The following SLC25A40 variants were observed in gnomAD, a reference collection of about 807,000 sequenced individuals.
The protein encoded by SLC25A40 is solute carrier family 25 member 40.
In SLC25A40, 41 loss-of-function variants were observed where a neutral mutation model predicts 46.5. The observed-to-expected ratio is 0.88, with a 90% confidence interval of 0.69 to 1.14. SLC25A40 has a LOEUF of 1.14. SLC25A40 is among the 50% of genes most tolerant of loss of function. The probability of loss-of-function intolerance (pLI) is 0.00; values close to 1 mark genes in which losing one functional copy is unlikely to be tolerated. For missense variants in SLC25A40, 386 were observed against 393.6 expected (o/e 0.98, Z 0.16); for synonymous variants, 126 against 127.5 (o/e 0.99, Z 0.08).
intron 1 of SLC25A40, among the ~76,000 whole-genome samples, chr7:87,875,315 A>G (rs1838976169): frequency 6.6e-6 from 1 of 152,126 alleles, no homozygotes; most frequent in African/African-American, 2.4e-5. Context: ...CCTGTCTAAA[A>G]CCAAACTCTC....
chr7:87,866,084 GA>G (rs60875531), intron 1 of SLC25A40, among the ~76,000 whole-genome samples: 12,814 of 142,502 alleles, frequency 0.09, 578 homozygotes, highest in African/African-American at 0.13. Context: ...CCCTCTCTAG[GA>G]AAAAAAAAAA....
At position 87,856,549 on chromosome 7, in the gene SLC25A40, C is replaced by T. The variant is rs150353033; in HGVS notation, c.98-198G>A. Among the ~76,000 whole-genome samples, 12 of 152,154 alleles carry T rather than the reference C, an allele frequency of 7.9e-5. No homozygotes were observed. In the East Asian group the frequency reaches 1.7e-3, roughly 22 times the overall value. On this transcript the variant is annotated intron_variant, in intron 3 of 11. Transcript: ENST00000341119. Reference sequence around the variant, plus strand: ...ATTTTGTTAATCAGTGAAAGACAGACGAATTACTTCTCTCATGAGTACTAA... The same window carrying T: ...ATTTTGTTAATCAGTGAAAGACAGATGAATTACTTCTCTCATGAGTACTAA...
At chr7:87,857,534 G>T (rs1013556852) in intron 3 of SLC25A40, among the ~76,000 whole-genome samples, 2 of 152,184 alleles carry the variant, frequency 1.3e-5, no homozygotes, top group African/African-American at 4.8e-5. Flanking sequence ...GGAAGTCAGG[G>T]ATCCTGAATG....
chr7:87,838,192 C>CT (rs1053378756), intron 10 of SLC25A40, among the ~76,000 whole-genome samples: 2 of 151,402 alleles, frequency 1.3e-5, no homozygotes, highest in African/African-American at 4.8e-5. Flanking sequence ...ATTTAACTTT[C>CT]TAAGGAAAGT....
At chr7:87,836,919 T>C (rs1273720375) in intron 10 of SLC25A40, 109 bp from the exon 11 acceptor site, 2 of 554,848 alleles carry the variant, frequency 3.6e-6, no homozygotes, top group Non-Finnish European at 5.8e-6. Flanking sequence ...TTCTTTACCA[T>C]AAGAAGAGGT....
chr7:87,861,542 T>A (rs576637349), intron 1 of SLC25A40, among the ~76,000 whole-genome samples: 2 of 152,288 alleles, frequency 1.3e-5, no homozygotes, highest in East Asian at 3.9e-4. Flanking sequence ...TATACCATAT[T>A]TCATTGTTCT....
chr7:87,857,649 CTTTAA>C (rs1210421640), intron 3 of SLC25A40, among the ~76,000 whole-genome samples: 1 of 152,326 alleles, frequency 6.6e-6, no homozygotes, highest in East Asian at 1.9e-4. Flanking sequence ...CCCTGTCTTA[CTTTAA>C]TCTCTTAATC....
chr7:87,847,785 G>A (rs968469552), intron 7 of SLC25A40, 68 bp downstream of exon 7: 2 of 1,468,202 alleles, frequency 1.4e-6, no homozygotes, highest in African/African-American at 1.4e-5. Flanking sequence ...CAAATTATCT[G>A]TGAATGTCAC....
At chr7:87,853,225 A>T (rs1838546763) in intron 5 of SLC25A40, among the ~76,000 whole-genome samples, 1 of 152,228 alleles carries the variant, frequency 6.6e-6, no homozygotes, top group African/African-American at 2.4e-5. Context: ...ATATTAAAAG[A>T]TGTTCAACAT....
chr7:87,851,860 G>C (rs1838517490), intron 5 of SLC25A40, among the ~76,000 whole-genome samples: 1 of 152,134 alleles, frequency 6.6e-6, no homozygotes, highest in African/African-American at 2.4e-5. Context: ...TTAATGGAAT[G>C]CTAAAAAATG....
At chr7:87,862,421 T>G (rs1024115547) in intron 1 of SLC25A40, among the ~76,000 whole-genome samples, 63 of 152,346 alleles carry the variant, frequency 4.1e-4, no homozygotes, top group African/African-American at 1.4e-3. Flanking sequence ...CAAGGTGGTC[T>G]TCAAATGTAA....
rs760288946 is a variant in SLC25A40 at position 87,858,685 on chromosome 7, G to T, written c.43C>A (p.Pro15Thr). The stretch of plus-strand genomic sequence containing the variant: ...CATGAGGCAAGCATTTGTTGAAGAG[G>T]TGTCACTTTGATAATCTCTTGTCCC... ...TRGQEIIKVT[P>T]LQQMLASCTG... Residue 15 changes from proline (P) to threonine (T), a missense_variant, in exon 3 of 12, where the codon CCT (proline) becomes ACT (threonine). By Grantham distance (38) the Pro-to-Thr change is conservative (BLOSUM62 -1). Transcript: ENST00000341119. The T allele has an allele frequency of 5.0e-6, 8 of 1,612,824 alleles. No homozygotes were observed. The highest frequency in any genetic ancestry group is 1.1e-5 in the South Asian group (1 of 91,048).
At chr7:87,871,918 T>C (rs571165738) in intron 1 of SLC25A40, among the ~76,000 whole-genome samples, 4 of 152,356 alleles carry the variant, frequency 2.6e-5, no homozygotes, top group African/African-American at 9.6e-5. Context: ...TTCAAGTAAT[T>C]TGTCCATTTC....
chr7:87,863,915 T>A (rs1285630271), intron 1 of SLC25A40, among the ~76,000 whole-genome samples: 2 of 152,188 alleles, frequency 1.3e-5, no homozygotes, highest in Non-Finnish European at 2.9e-5. Context: ...TGAGATCCAC[T>A]TTTTTAGCTC....
Position 87,845,097 on chromosome 7 carries a change from AAC to A in SLC25A40, c.632-1236_632-1235del, listed in dbSNP as rs566143158. Among the ~76,000 whole-genome samples the A allele has an allele frequency of 2.4e-3, 359 of 152,266 alleles. 3 individuals carry two copies. Among genetic ancestry groups the A allele is most frequent in the African/African-American group, 8.4e-3 (350 of 41,554 alleles). On this transcript the variant is annotated intron_variant, in intron 8 of 11. Coordinates refer to ENST00000341119, the MANE Select transcript of SLC25A40 (RefSeq NM_018843.4). ...TGTGCCACTGCACTCCAGCCTGGGC[AAC>A]AGAGTGAGACCCTGACCAAAAAACA...
At chr7:87,860,938 A>G (rs1471712497) in intron 1 of SLC25A40, among the ~76,000 whole-genome samples, 1 of 152,198 alleles carries the variant, frequency 6.6e-6, no homozygotes, top group East Asian at 1.9e-4. Flanking sequence ...TTACAGTAGA[A>G]CAACCAGATT....
Position 87,836,828 on chromosome 7 carries a change from GAAAT to G in SLC25A40, c.824-22_824-19del. 7.3e-7 allele frequency: 1 copy of G among 1,368,468 alleles called. No individual in the cohort carries two copies. The highest frequency in any genetic ancestry group is 9.9e-7 in the Non-Finnish European group (1 of 1,012,140). 84.8% of individuals were successfully genotyped at this position (1,368,468 alleles called of 1,614,324 possible). On this transcript the variant is annotated intron_variant, in intron 10 of 11. Coordinates refer to ENST00000341119, the MANE Select transcript of SLC25A40 (RefSeq NM_018843.4). ...CATAGAAACTAAATGTTAAAATAAA[GAAAT>G]AATGCTATTATAAATAACAATTTAA...
chr7:87,871,679 A>G (rs1838897829), intron 1 of SLC25A40, among the ~76,000 whole-genome samples: 1 of 152,158 alleles, frequency 6.6e-6, no homozygotes, highest in South Asian at 2.1e-4. Context: ...ATGATGTTTT[A>G]TCCTTTGTAT....
intron 1 of SLC25A40, among the ~76,000 whole-genome samples, chr7:87,865,460 A>G (rs1433533243): frequency 6.6e-6 from 1 of 152,186 alleles, no homozygotes; most frequent in Non-Finnish European, 1.5e-5. Context: ...ATTGCACACC[A>G]CAATTACAGC....
Sources: gnomAD v4.1 joint callset for allele counts (sites outside exome capture counted in the v4.1 genomes callset) on GRCh38, gnomAD v4.1.1 for gene constraint, MANE v1.5 for transcripts, NCBI Gene and HGNC (gene_info 2026-07-23, HGNC 2026-07-21) for gene names.